Variants in C2 observed in about 807,000 individuals in gnomAD.
The protein encoded by C2 is complement C2.
Under a neutral mutation model 85.2 loss-of-function variants are expected in C2, and 64 were observed. That is an observed-to-expected ratio of 0.75 (90% confidence interval 0.61 to 0.92). The LOEUF (loss-of-function observed/expected upper bound fraction) is 0.92. Ranked by LOEUF, C2 falls within the 40% of genes least tolerant of loss-of-function variation. The pLI is 0.00. For synonymous variants in C2, 311 were observed against 370.8 expected (o/e 0.84, Z 1.85); for missense variants, 820 against 971.6 (o/e 0.84, Z 2.07).
At chr6:31,907,580 CAAAAAAAAAAAAAA>C (rs752096679) in intron 1 of C2, among the ~76,000 whole-genome samples, 1 of 79,168 alleles carries the variant, frequency 1.3e-5, no homozygotes, top group Non-Finnish European at 2.3e-5. Flanking sequence ...AAGACCCTGT[CAAAAAAAAAAAAAA>C]AAAAAAAAAA....
Position 31,935,985 on chromosome 6 carries a change from C to A in C2, c.912C>A (p.Val304=). 1 of 1,613,044 alleles carries A rather than the reference C, an allele frequency of 6.2e-7. No homozygotes were observed. The highest frequency in any genetic ancestry group is 8.5e-7 in the Non-Finnish European group (1 of 1,180,010). Residue 304 remains valine, a synonymous_variant, in exon 7 of 18, where the codon GTC becomes GTA. Transcript: ENST00000299367. This position sits in a 1 kb window ranked among gnomAD's most constrained non-coding sequence, Gnocchi z 4.3. ...TCACCTTTGCCTCAGAGCCCAAAGT[C>A]CTCATGTCTGTCCTGAACGACAACT... The part of the protein sequence containing the change: ...AIITFASEPK[V]LMSVLNDNSR...
chr6:31,900,718 T>C (rs1415052176), upstream of C2: 1 of 1,600,272 alleles, frequency 6.2e-7, no homozygotes, highest in African/African-American at 1.3e-5. This position sits in a 1 kb window ranked among gnomAD's most constrained non-coding sequence, Gnocchi z 9.7. Context: ...CCTCATCCTC[T>C]TCCTCGGCTT....
intron 1 of C2, among the ~76,000 whole-genome samples, chr6:31,914,577 T>C (rs62395853): frequency 0.11 from 11,795 of 111,402 alleles, 517 homozygotes; most frequent in African/African-American, 0.16. Flanking sequence ...GGCAACAGAG[T>C]GAGACTCCGT....
upstream of C2, among the ~76,000 whole-genome samples, chr6:31,925,559 C>G (rs1769211866): frequency 6.6e-6 from 1 of 152,172 alleles, no homozygotes; most frequent in African/African-American, 2.4e-5. Context: ...TCCCAAAGTG[C>G]TGGGATTACA....
At chr6:31,914,227 T>A (rs1768327050) in intron 1 of C2, among the ~76,000 whole-genome samples, 1 of 151,476 alleles carries the variant, frequency 6.6e-6, no homozygotes, top group Admixed American at 6.6e-5. Flanking sequence ...TTACTCTTGA[T>A]ATTGTGGCCT....
chr6:31,905,076 C>T (rs1260609218), intron 1 of C2, among the ~76,000 whole-genome samples: 1 of 152,062 alleles, frequency 6.6e-6, no homozygotes, highest in East Asian at 1.9e-4. Context: ...GCTTTCCTGT[C>T]CTTAGCTTGC....
At chr6:31,927,126 C>G (rs1769319505), upstream of C2, among the ~76,000 whole-genome samples, 1 of 152,096 alleles carries the variant, frequency 6.6e-6, no homozygotes, top group South Asian at 2.1e-4. The surrounding 1 kb of genome is among the most constrained non-coding windows in gnomAD (Gnocchi z 4.7). Flanking sequence ...CCTAGATTAT[C>G]TCTAGGGAAG....
At chr6:31,942,143 G>A (rs1400332498) in intron 9 of C2, among the ~76,000 whole-genome samples, 27 of 140,238 alleles carry the variant, frequency 1.9e-4, no homozygotes, top group African/African-American at 7.2e-4. Context: ...TTTTTGAGAC[G>A]GGGTTTTGCT....
upstream of C2, among the ~76,000 whole-genome samples, chr6:31,918,286 A>G (rs573010917): frequency 5.4e-4 from 81 of 149,350 alleles, no homozygotes; most frequent in African/African-American, 1.9e-3. Context: ...CCCCATCTCA[A>G]AAAAAAAATA....
At chr6:31,906,222 ACTGCTTGGGG>A (rs1767702385) in intron 1 of C2, among the ~76,000 whole-genome samples, 1 of 151,984 alleles carries the variant, frequency 6.6e-6, no homozygotes, top group African/African-American at 2.4e-5. Context: ...GAAGGGGCTT[ACTGCTTGGGG>A]AAAGAAGCCA....
At chr6:31,901,361 T>G (rs1277575287) in intron 1 of C2, 24 of 1,535,406 alleles carry the variant, frequency 1.6e-5, no homozygotes. Context: ...GACAAAGGTC[T>G]CTGGCTCTCC....
chr6:31,925,602 C>T (rs991328255), upstream of C2, among the ~76,000 whole-genome samples: 1 of 152,098 alleles, frequency 6.6e-6, no homozygotes, highest in Admixed American at 6.5e-5. Context: ...TGGTACTGTG[C>T]TTTCGATATC....
In C2 at chr6:31,914,527, G is replaced by A. The variant is rs569353488; in HGVS notation, c.73+13388G>A. 3.4e-5 allele frequency among the ~76,000 whole-genome samples: 5 copies of A among 149,240 alleles called. No homozygotes were observed. The South Asian group carries it at 1.1e-3, about 32-fold the overall frequency. On this transcript the variant is annotated intron_variant, in intron 1 of 3. Transcript: ENST00000452202. ...AATCGCTTGAACCTAGGAGGCAGAG[G>A]TTGCAGTGAGCCGAGATCGTGCCAC...
At chr6:31,900,312 T>C, upstream of C2, 3 of 1,612,054 alleles carry the variant, frequency 1.9e-6, no homozygotes, top group Non-Finnish European at 2.5e-6. The surrounding 1 kb of genome is among the most constrained non-coding windows in gnomAD (Gnocchi z 9.7). Context: ...CACTTGATGT[T>C]CTTTAAGGGG....
At position 31,935,929 on chromosome 6, in the gene C2, A is replaced by G; in HGVS notation, c.856A>G (p.Ser286Gly). ...TCTCACTTGCCCCGCACAGATCTTC[A>G]GCTTTGAGATCAATGTGAGCGTTGC... is the stretch of plus-strand genomic sequence containing the variant. ...SASLMVDRIF[S>G]FEINVSVAII... Residue 286 changes from serine to glycine, a missense_variant, in exon 7 of 18, where the codon AGC becomes GGC. Transcript: ENST00000299367. The surrounding 1 kb of genome is among the most constrained non-coding windows in gnomAD (Gnocchi z 4.3). 2 of 1,612,884 alleles carry G rather than the reference A, an allele frequency of 1.2e-6. No individual in the cohort carries two copies. Among genetic ancestry groups the G allele is most frequent in the Non-Finnish European group, 1.7e-6 (2 of 1,180,000 alleles).
chr6:31,943,090 C>A lies in C2; in HGVS notation c.1351C>A (p.His451Asn). 1 of 1,613,062 alleles carries A rather than the reference C, an allele frequency of 6.2e-7. No individual in the cohort carries two copies. The highest frequency in any genetic ancestry group is 2.2e-5 in the East Asian group (1 of 44,886). ...AAAGGCTCTGCACCAGGTCTTTGAA[C>A]ATATGCTGGGTGAGTGAGCTTTGCC... The part of the protein sequence containing the change: ...DTKALHQVFE[H>N]MLDVSKLTDT... Residue 451 changes from histidine (H) to asparagine (N), a missense_variant, in exon 10 of 18, where the codon CAT (histidine) becomes AAT (asparagine). Physicochemically the swap from His to Asn is moderately conservative, Grantham distance 68 (BLOSUM62 1). Transcript: ENST00000299367. The surrounding 1 kb of genome is among the most constrained non-coding windows in gnomAD (Gnocchi z 6.4).
chr6:31,899,080 GT>G (rs200227065), upstream of C2, among the ~76,000 whole-genome samples: 18 of 150,988 alleles, frequency 1.2e-4, no homozygotes, highest in Admixed American at 8.6e-4. Context: ...AAAAAAAAAA[GT>G]TTTTTTTTGT....
upstream of C2, among the ~76,000 whole-genome samples, chr6:31,923,288 T>C (rs1769081285): frequency 1.3e-5 from 2 of 152,072 alleles, no homozygotes. Context: ...CAATGGAATA[T>C]GAATGGAAGA....
Position 31,928,935 on chromosome 6 carries a change from T to A in C2, c.442+18T>A. The A allele has an allele frequency of 6.2e-7, 1 of 1,602,336 alleles. No homozygotes were observed. The highest frequency in any genetic ancestry group is 8.5e-7 in the Non-Finnish European group (1 of 1,172,590). ...TAATGGGGGTGAGTTCTCTGGCTGA[T>A]GGGCTACACAGGGGGCTGGGGTCTC... is the stretch of plus-strand genomic sequence containing the variant. On this transcript the variant is annotated intron_variant, in intron 3 of 17. Transcript: ENST00000299367.
Sources: gnomAD v4.1 joint callset for allele counts (sites outside exome capture counted in the v4.1 genomes callset) on GRCh38, gnomAD v4.1.1 for gene constraint, Gnocchi (gnomAD v3.1) non-coding constraint, MANE v1.5 for transcripts, NCBI Gene and HGNC (gene_info 2026-07-23, HGNC 2026-07-21) for gene names.